EYS: variants seen among roughly 807,000 people sequenced by gnomAD.
The protein encoded by EYS is EGF-like photoreceptor maintenance factor, also known as protein eyes shut homolog.
A neutral mutation model predicts 282.1 loss-of-function variants in EYS; 250 were observed. The ratio of observed to expected loss-of-function variants is 0.89; its 90% confidence interval spans 0.80 to 0.98. The LOEUF is 0.98. Ranked by LOEUF, EYS falls within the 50% of genes least tolerant of loss-of-function variation. EYS has a pLI of 0.00. For synonymous variants in EYS, 1,355 were observed against 1,282.9 expected (o/e 1.06, Z -1.20); for missense variants, 4,016 against 3,709.0 (o/e 1.08, Z -2.15).
chr6:64,401,505 A>C (rs1283739839), intron 28 of EYS, among the ~76,000 whole-genome samples: 1 of 152,098 alleles, frequency 6.6e-6, no homozygotes, highest in African/African-American at 2.4e-5. Flanking sequence ...ACATCAACTT[A>C]GATTTTTGAT....
chr6:64,731,479 T>C (rs6920083), intron 22 of EYS, among the ~76,000 whole-genome samples: 149,412 of 152,346 alleles, frequency 0.98, 73,304 homozygotes, highest in Non-Finnish European at 1. Flanking sequence ...AAAAATACAA[T>C]GCTATCAAAA....
In EYS at chr6:63,980,766, T is replaced by C. The variant is rs566836236; in HGVS notation, c.7055+3617A>G. Reference sequence around the variant, plus strand: ...TGCCTAGATGGGCTCAGGAGTGAGATCAGGTCAGATGGCATGGACTGAGGG... The same window carrying C: ...TGCCTAGATGGGCTCAGGAGTGAGACCAGGTCAGATGGCATGGACTGAGGG... On this transcript the variant is annotated intron_variant, in intron 35 of 42. Coordinates refer to ENST00000503581, the MANE Select transcript of EYS (RefSeq NM_001142800.2). Among the ~76,000 whole-genome samples, 59 of 151,808 alleles carry C rather than the reference T, an allele frequency of 3.9e-4. No homozygotes were observed. The East Asian group carries it at 6.1e-3, about 16-fold the overall frequency.
At chr6:64,418,782 G>GA (rs35239005) in intron 28 of EYS, among the ~76,000 whole-genome samples, 41,587 of 148,974 alleles carry the variant, frequency 0.28, 5,783 homozygotes, top group East Asian at 0.47. Flanking sequence ...CTGTCCCATG[G>GA]AAAAAAAAAA....
chr6:64,956,617 AG>A (rs1769710830), intron 14 of EYS, among the ~76,000 whole-genome samples: 1 of 125,176 alleles, frequency 8.0e-6, no homozygotes. Flanking sequence ...CTGCACAGCA[AG>A]GGAAACAATC....
chr6:63,762,003 G>C (rs1281624482), intron 41 of EYS, among the ~76,000 whole-genome samples: 1 of 152,014 alleles, frequency 6.6e-6, no homozygotes, highest in Non-Finnish European at 1.5e-5. Context: ...TTAGGACACT[G>C]TTGCTTCTTA....
At chr6:64,364,125 C>T (rs1293014859) in intron 29 of EYS, among the ~76,000 whole-genome samples, 3 of 151,674 alleles carry the variant, frequency 2.0e-5, no homozygotes, top group African/African-American at 7.3e-5. Context: ...TAGGCTTTTT[C>T]CTGTTTCCTT....
chr6:65,258,043 A>G (rs1013989546), intron 12 of EYS, among the ~76,000 whole-genome samples: 3 of 152,020 alleles, frequency 2.0e-5, no homozygotes, highest in Non-Finnish European at 4.4e-5. Context: ...TAGACAACAG[A>G]TACTCCCTTT....
At chr6:64,648,514 A>G (rs1260598987) in intron 22 of EYS, among the ~76,000 whole-genome samples, 1 of 152,186 alleles carries the variant, frequency 6.6e-6, no homozygotes, top group Non-Finnish European at 1.5e-5. Context: ...AACCACTACA[A>G]TCTATAGGTT....
At chr6:64,149,577 A>G (rs1427204546) in intron 31 of EYS, among the ~76,000 whole-genome samples, 1 of 152,218 alleles carries the variant, frequency 6.6e-6, no homozygotes, top group South Asian at 2.1e-4. Context: ...CCATTTATTT[A>G]GGGACTAACA....
intron 12 of EYS, among the ~76,000 whole-genome samples, chr6:65,237,187 A>C (rs1766949247): frequency 6.6e-6 from 1 of 152,162 alleles, no homozygotes; most frequent in African/African-American, 2.4e-5. Flanking sequence ...AAGCCAAATA[A>C]ATTTGTATAA....
At chr6:64,433,156 G>A (rs1774626043) in intron 28 of EYS, among the ~76,000 whole-genome samples, 1 of 151,902 alleles carries the variant, frequency 6.6e-6, no homozygotes, top group South Asian at 2.1e-4. Flanking sequence ...AGATCATCAT[G>A]GGCCTAGCAC....
At chr6:65,005,522 AGTGGTAAT>A (rs1439958596) in intron 13 of EYS, among the ~76,000 whole-genome samples, 1 of 147,364 alleles carries the variant, frequency 6.8e-6, no homozygotes, top group Non-Finnish European at 1.5e-5. Flanking sequence ...GGACCTCCAA[AGTGGTAAT>A]GTTGGACCAC....
intron 2 of EYS, among the ~76,000 whole-genome samples, chr6:65,555,410 A>G (rs971569997): frequency 1.2e-4 from 18 of 152,090 alleles, no homozygotes; most frequent in African/African-American, 4.3e-4. Context: ...TGCTTAAATG[A>G]TCTATTTAGC....
At chr6:64,199,399 G>A (rs961034665) in intron 31 of EYS, among the ~76,000 whole-genome samples, 5 of 151,268 alleles carry the variant, frequency 3.3e-5, no homozygotes, top group African/African-American at 1.2e-4. Context: ...ACTGAAACTG[G>A]ACACCTTCCC....
At chr6:64,623,847 T>C (rs879331872) in intron 23 of EYS, among the ~76,000 whole-genome samples, 10 of 151,998 alleles carry the variant, frequency 6.6e-5, no homozygotes, top group Non-Finnish European at 1.3e-4. Context: ...GGAATAAAAA[T>C]ACCCTGAAAC....
At chr6:64,008,628 C>T (rs533464589) in intron 33 of EYS, among the ~76,000 whole-genome samples, 7 of 152,100 alleles carry the variant, frequency 4.6e-5, no homozygotes, top group Admixed American at 6.5e-5. Context: ...ATATTTAGCA[C>T]TTCCTTAAGG....
intron 2 of EYS, among the ~76,000 whole-genome samples, chr6:65,546,571 A>AT (rs1426113436): frequency 1.6e-5 from 1 of 63,552 alleles, no homozygotes; most frequent in East Asian, 7.3e-4. Context: ...ATACAACTTG[A>AT]TCTTTTTTTT....
chr6:65,408,672 A>AT lies in EYS; in HGVS notation c.863-3306dup, dbSNP rs369336908. On this transcript the variant is annotated intron_variant, in intron 5 of 42. Coordinates refer to ENST00000503581, the MANE Select transcript of EYS (RefSeq NM_001142800.2). ...TCCATTTCGTTTTCCTCAAAAATCA[A>AT]TTTTTTTGTTTCATTGATTTTCTCT... 1.0e-3 allele frequency among the ~76,000 whole-genome samples: 153 copies of AT among 152,086 alleles called. 1 individual carries two copies. The highest frequency in any genetic ancestry group is 3.6e-3 in the African/African-American group (149 of 41,506).
chr6:64,730,479 T>A (rs188761555), intron 22 of EYS, among the ~76,000 whole-genome samples: 511 of 152,180 alleles, frequency 3.4e-3, no homozygotes, highest in Non-Finnish European at 5.9e-3. Context: ...CTTTTACTTT[T>A]ACTTATTTAT....
Sources: allele counts gnomAD v4.1 joint callset (sites outside exome capture counted in the v4.1 genomes callset), GRCh38; gene constraint gnomAD v4.1.1; transcripts MANE v1.5; gene names NCBI Gene and HGNC (gene_info 2026-07-23, HGNC 2026-07-21).